Variants in CHLSN observed in about 807,000 individuals in gnomAD.
CHLSN encodes the protein cholesin.
At chr7:1,023,624 A>AAC in the CHLSN span, among the ~76,000 whole-genome samples, 6,894 of 122,002 alleles carry the variant, frequency 0.057, 212 homozygotes, top group East Asian at 0.073. The surrounding 1 kb of genome is among the most constrained non-coding windows in gnomAD (Gnocchi z 5.0). Context: ...CCTCCCAGGA[A>AAC]ACACACACAC....
the CHLSN span, among the ~76,000 whole-genome samples, chr7:1,070,750 C>T: frequency 6.0e-5 from 9 of 149,286 alleles, no homozygotes; most frequent in South Asian, 8.5e-4. Context: ...ATGCACACAA[C>T]GCACGCAGAC....
the CHLSN span, chr7:1,074,762 A>T: frequency 6.6e-6 from 1 of 152,584 alleles, no homozygotes; most frequent in Non-Finnish European, 1.5e-5. Flanking sequence ...GAAACAGCAC[A>T]GCAGCTGGGG....
the CHLSN span, chr7:1,127,345 TTC>T: frequency 5.0e-6 from 8 of 1,609,198 alleles, no homozygotes; most frequent in African/African-American, 1.3e-5. Context: ...TTTGTTCTTT[TTC>T]TCTGTCACTT....
At chr7:1,059,535 G>A in the CHLSN span, among the ~76,000 whole-genome samples, 7 of 149,016 alleles carry the variant, frequency 4.7e-5, no homozygotes, top group African/African-American at 1.7e-4. Context: ...GCGGGTCTTA[G>A]TGAGGTGGGT....
the CHLSN span, among the ~76,000 whole-genome samples, chr7:1,113,566 C>T: frequency 2.0e-5 from 3 of 152,184 alleles, no homozygotes; most frequent in South Asian, 2.1e-4. Flanking sequence ...CAGCTGGAAT[C>T]GGATGGCAGC....
chr7:1,100,816 T>C, the CHLSN span, among the ~76,000 whole-genome samples: 1 of 151,396 alleles, frequency 6.6e-6, no homozygotes, highest in Admixed American at 6.6e-5. Flanking sequence ...TTTACCCATC[T>C]CGCCCACAGG....
At chr7:1,093,822 G>T in the CHLSN span, 17 of 389,572 alleles carry the variant, frequency 4.4e-5, no homozygotes, top group African/African-American at 3.4e-4. Context: ...CCTTCCGGAG[G>T]CTCTGTCTTG....
chr7:1,083,864 A>G, the CHLSN span, among the ~76,000 whole-genome samples: 1 of 152,036 alleles, frequency 6.6e-6, no homozygotes, highest in Non-Finnish European at 1.5e-5. Flanking sequence ...CCCTCACCGC[A>G]CTGTTTCCGG....
chr7:1,021,799 G>A, the CHLSN span, among the ~76,000 whole-genome samples: 7 of 152,356 alleles, frequency 4.6e-5, no homozygotes, highest in East Asian at 3.9e-4. Flanking sequence ...AAAAATACCC[G>A]CCCAGCGAGA....
At chr7:1,113,083 C>A in the CHLSN span, among the ~76,000 whole-genome samples, 1 of 152,130 alleles carries the variant, frequency 6.6e-6, no homozygotes, top group African/African-American at 2.4e-5. Context: ...AGCTATGCAC[C>A]TGGAAAAACT....
the CHLSN span, among the ~76,000 whole-genome samples, chr7:1,121,763 C>A: frequency 2.0e-5 from 3 of 152,368 alleles, no homozygotes; most frequent in East Asian, 5.8e-4. Context: ...CCTGGGCTTA[C>A]TGTGGCCCAC....
At chr7:1,074,724 C>T in the CHLSN span, 1 of 152,506 alleles carries the variant, frequency 6.6e-6, no homozygotes. Context: ...GTGTCCAAGG[C>T]CAGGAGGGGC....
At chr7:1,032,137 A>G in the CHLSN span, among the ~76,000 whole-genome samples, 1 of 152,146 alleles carries the variant, frequency 6.6e-6, no homozygotes, top group African/African-American at 2.4e-5. Context: ...TCCCAGACAC[A>G]CCACGCCCCA....
chr7:1,091,791 T>C, the CHLSN span: 1 of 1,589,484 alleles, frequency 6.3e-7, no homozygotes, highest in Non-Finnish European at 8.6e-7. Flanking sequence ...CCGCGCAGCC[T>C]GCGGCCCCCA....
At chr7:993,157 G>A in the CHLSN span, among the ~76,000 whole-genome samples, 7 of 152,176 alleles carry the variant, frequency 4.6e-5, no homozygotes, top group Non-Finnish European at 1.0e-4. Flanking sequence ...GCAGGGGTAC[G>A]AGTGCTTCTG....
chr7:1,066,331 G>GGACGCCGCCTA, the CHLSN span, among the ~76,000 whole-genome samples: 1 of 152,248 alleles, frequency 6.6e-6, no homozygotes, highest in Non-Finnish European at 1.5e-5. Context: ...CACGCCGCCT[G>GGACGCCGCCTA]GACGCCGCCT....
chr7:1,004,172 G>T, the CHLSN span, among the ~76,000 whole-genome samples: 1 of 152,090 alleles, frequency 6.6e-6, no homozygotes, highest in Non-Finnish European at 1.5e-5. Flanking sequence ...GCCCCTCGTC[G>T]TCTGCTCCCC....
chr7:1,108,671 G>A, the CHLSN span, among the ~76,000 whole-genome samples: 1 of 152,190 alleles, frequency 6.6e-6, no homozygotes, highest in Non-Finnish European at 1.5e-5. Flanking sequence ...CTCTCGGCTA[G>A]GAGGGCAGTT....
chr7:1,133,582 C>G, the CHLSN span, among the ~76,000 whole-genome samples: 2 of 149,298 alleles, frequency 1.3e-5, no homozygotes, highest in East Asian at 4.0e-4. Flanking sequence ...AACCCTGTCT[C>G]TACTAAAAAT....
Sources: gnomAD v4.1 joint callset for allele counts (sites outside exome capture counted in the v4.1 genomes callset) on GRCh38, gnomAD v4.1.1 for gene constraint, Gnocchi (gnomAD v3.1) non-coding constraint, MANE v1.5 for transcripts, NCBI Gene and HGNC (gene_info 2026-07-23, HGNC 2026-07-21) for gene names.